MYO16: variants seen among roughly 807,000 people sequenced by gnomAD.
MYO16 encodes the protein myosin XVI, also known as unconventional myosin-XVI.
In MYO16, 94 loss-of-function variants were observed where a neutral mutation model predicts 205.3. The ratio of observed to expected loss-of-function variants is 0.46; its 90% CI spans 0.39 to 0.54. MYO16 has a LOEUF of 0.54. MYO16 is among the 20% of genes least tolerant of loss of function. MYO16 has a pLI of 0.00. For missense variants in MYO16, 2,315 were observed against 2,387.5 expected, an observed-to-expected ratio of 0.97 and a Z score of 0.63; for synonymous variants, 988 against 954.0, an observed-to-expected ratio of 1.04 and a Z score of -0.66.
intron 2 of MYO16, among the ~76,000 whole-genome samples, chr13:108,689,322 C>T (rs1882803567): frequency 6.6e-6 from 1 of 152,016 alleles, no homozygotes; most frequent in Admixed American, 6.6e-5. Context: ...CATTAAAATA[C>T]ATTAAATAGT....
chr13:108,630,649 A>G (rs1033281577), intron 1 of MYO16, among the ~76,000 whole-genome samples: 1 of 152,196 alleles, frequency 6.6e-6, no homozygotes, highest in Non-Finnish European at 1.5e-5. Flanking sequence ...CTGTACATAT[A>G]TATCATGATC....
chr13:108,501,783 G>C, the MYO16 span, among the ~76,000 whole-genome samples: 1 of 152,178 alleles, frequency 6.6e-6, no homozygotes, highest in Non-Finnish European at 1.5e-5. Flanking sequence ...CTGAGACTCT[G>C]CAGCGCATAC....
chr13:108,646,807 AT>A (rs1404621638), intron 1 of MYO16, among the ~76,000 whole-genome samples: 1 of 151,992 alleles, frequency 6.6e-6, no homozygotes, highest in African/African-American at 2.4e-5. Flanking sequence ...ATATTGCAAT[AT>A]TTTCTCATTT....
chr13:108,660,575 C>T (rs1161002722), intron 1 of MYO16, among the ~76,000 whole-genome samples: 6 of 152,064 alleles, frequency 3.9e-5, no homozygotes, highest in African/African-American at 7.2e-5. Context: ...TTGTTTTTTT[C>T]GGATATAAGA....
chr13:109,076,309 C>A (rs142275337), intron 27 of MYO16, among the ~76,000 whole-genome samples: 4 of 152,080 alleles, frequency 2.6e-5, no homozygotes, highest in Admixed American at 2.0e-4. Flanking sequence ...TTATTTAGTT[C>A]TTTTCTTTCC....
intron 15 of MYO16, among the ~76,000 whole-genome samples, chr13:108,905,444 T>C (rs1428788771): frequency 6.6e-6 from 1 of 152,160 alleles, no homozygotes; most frequent in African/African-American, 2.4e-5. Context: ...ATGAATCTTA[T>C]TTGGCTGAGG....
intron 2 of MYO16, among the ~76,000 whole-genome samples, chr13:108,684,452 T>C (rs1297520162): frequency 6.6e-6 from 1 of 152,182 alleles, no homozygotes; most frequent in East Asian, 1.9e-4. Context: ...ATATCTCTTA[T>C]TGTGTGTGTA....
At chr13:109,124,485 G>A (rs1294811964) in intron 29 of MYO16, among the ~76,000 whole-genome samples, 1 of 152,022 alleles carries the variant, frequency 6.6e-6, no homozygotes, top group Admixed American at 6.6e-5. Context: ...TTTAAATGGT[G>A]GTCTTTTATT....
intron 28 of MYO16, among the ~76,000 whole-genome samples, chr13:109,106,756 C>G (rs1035639283): frequency 2.6e-5 from 4 of 152,140 alleles, no homozygotes; most frequent in African/African-American, 9.7e-5. Context: ...GGCACTGCAC[C>G]GATGTGGCTC....
the MYO16 span, among the ~76,000 whole-genome samples, chr13:108,531,086 T>G: frequency 2.0e-5 from 3 of 152,110 alleles, no homozygotes; most frequent in African/African-American, 7.2e-5. Flanking sequence ...TGTGCAAACG[T>G]GGAGTTGGCC....
chr13:108,585,816 T>C, the MYO16 span, among the ~76,000 whole-genome samples: 1 of 152,218 alleles, frequency 6.6e-6, no homozygotes, highest in Non-Finnish European at 1.5e-5. Flanking sequence ...GGTAGGAATT[T>C]GGGCAAGATA....
chr13:108,830,822 A>G (rs1327093848), intron 9 of MYO16, among the ~76,000 whole-genome samples: 1 of 152,046 alleles, frequency 6.6e-6, no homozygotes. Flanking sequence ...AAAAGCAGGA[A>G]AAAAAGTTCA....
At chr13:108,592,078 G>A (rs34241629), upstream of MYO16, among the ~76,000 whole-genome samples, 42,002 of 126,322 alleles carry the variant, frequency 0.33, 8,825 homozygotes, top group Non-Finnish European at 0.43. Flanking sequence ...TGTGGGGGGT[G>A]GGGGTGGAGG....
chr13:108,559,382 A>C, the MYO16 span, among the ~76,000 whole-genome samples: 1 of 150,488 alleles, frequency 6.6e-6, no homozygotes, highest in Admixed American at 6.6e-5. Context: ...CTTGACTTGC[A>C]TTTCCGGCCC....
At chr13:108,708,784 A>G (rs912422142) in intron 2 of MYO16, among the ~76,000 whole-genome samples, 8 of 152,192 alleles carry the variant, frequency 5.3e-5, no homozygotes, top group African/African-American at 1.9e-4. Context: ...TTACAGATAA[A>G]TGGTGGCAAT....
chr13:108,769,550 C>T (rs918850742), intron 4 of MYO16, among the ~76,000 whole-genome samples: 4 of 152,122 alleles, frequency 2.6e-5, no homozygotes, highest in Non-Finnish European at 5.9e-5. Flanking sequence ...TCTGGCTATT[C>T]TGTGAAAAAT....
intron 4 of MYO16, among the ~76,000 whole-genome samples, chr13:108,761,335 C>T (rs1192070217): frequency 6.6e-6 from 1 of 151,860 alleles, no homozygotes; most frequent in Non-Finnish European, 1.5e-5. Context: ...CAAGATTCCG[C>T]AAACAGATTT....
intron 1 of MYO16, among the ~76,000 whole-genome samples, chr13:108,609,963 A>G (rs893816466): frequency 6.6e-6 from 1 of 152,036 alleles, no homozygotes; most frequent in African/African-American, 2.4e-5. Flanking sequence ...CTGGGCCCAA[A>G]AGGAAATTGT....
At chr13:108,873,272 C>T (rs891200324) in intron 12 of MYO16, among the ~76,000 whole-genome samples, 7 of 152,130 alleles carry the variant, frequency 4.6e-5, no homozygotes, top group Non-Finnish European at 5.9e-5. Context: ...ATTATAAAGA[C>T]GAGGAGAATG....
Sources: gnomAD v4.1 joint callset for allele counts (sites outside exome capture counted in the v4.1 genomes callset) on GRCh38, gnomAD v4.1.1 for gene constraint, MANE v1.5 for transcripts, NCBI Gene and HGNC (gene_info 2026-07-23, HGNC 2026-07-21) for gene names.